The following ENTPD7 variants were observed in gnomAD, a reference collection of about 807,000 sequenced individuals.
ENTPD7 encodes the protein ectonucleoside triphosphate diphosphohydrolase 7.
ENTPD7 carries 53 observed loss-of-function variants against 77.9 expected under a neutral mutation model. The observed-to-expected ratio is 0.68, with a 90% confidence interval of 0.55 to 0.85. ENTPD7 has a LOEUF of 0.85. Among genes scored for constraint, ENTPD7 ranks in the 40% least tolerant of loss-of-function variants. The probability of loss-of-function intolerance (pLI) is 0.00; values close to 1 mark genes in which losing one functional copy is unlikely to be tolerated. For missense variants in ENTPD7, 636 were observed against 743.7 expected (o/e 0.86, Z 1.68); for synonymous variants, 248 against 274.9 (o/e 0.90, Z 0.97).
intron 9 of ENTPD7, among the ~76,000 whole-genome samples, chr10:99,696,956 C>G (rs961721650): frequency 4.6e-5 from 7 of 152,080 alleles, no homozygotes. Flanking sequence ...AGAGAAGGAC[C>G]ACAGATGAAA....
At chr10:99,685,716 T>C in intron 5 of ENTPD7, 76 bp from the exon 6 acceptor site, 2 of 1,034,856 alleles carry the variant, frequency 1.9e-6, no homozygotes, top group Non-Finnish European at 3.0e-6. Context: ...CAAGGCTAAG[T>C]AGAAGGACAA....
chr10:99,685,833 C>T lies in ENTPD7; in HGVS notation c.590C>T (p.Pro197Leu), dbSNP rs1355307487. Residue 197 changes from proline to leucine, a missense_variant, in exon 6 of 13, where the codon CCA (proline) becomes CTA (leucine). Physicochemically the swap from Pro to Leu is moderately conservative, Grantham distance 98. Around this residue, in one of 3 missense-constraint regions of ENTPD7, gnomAD observed 486 missense variants for 556.5 expected, o/e 0.87. Coordinates refer to ENST00000370489, the MANE Select transcript of ENTPD7 (RefSeq NM_020354.5). The stretch of plus-strand genomic sequence containing the variant: ...TTGGCTGACCTAGTGAAAGATTTAC[C>T]ACTGGAGTTTGACTTCCTCTTTTCA... ...AILADLVKDLPLEFDFLFSQS... is the reference protein window; with the variant it reads ...AILADLVKDLLLEFDFLFSQS... 28 of 1,613,612 alleles carry T rather than the reference C, an allele frequency of 1.7e-5. No homozygotes were observed. The highest frequency in any genetic ancestry group is 2.1e-5 in the Non-Finnish European group (25 of 1,179,868).
chr10:99,679,506 G>C (rs2133459736), intron 4 of ENTPD7, 40 bp downstream of exon 4: 1 of 1,556,910 alleles, frequency 6.4e-7, no homozygotes, highest in Non-Finnish European at 8.7e-7. Context: ...TCTCTTTTAA[G>C]GCATGAAAGA....
Position 99,706,108 on chromosome 10 carries a change from T to C in ENTPD7, c.*1425T>C, listed in dbSNP as rs1260115635. On this transcript the variant is annotated 3_prime_UTR_variant, in exon 13 of 13. Transcript: ENST00000370489. Reference sequence around the variant, plus strand: ...TTAGATTAATAGGGGAAAAAGTCCCTGGCTTTAAAGAAAACAAAAGTAGAA... The same window carrying C: ...TTAGATTAATAGGGGAAAAAGTCCCCGGCTTTAAAGAAAACAAAAGTAGAA... 1 of 152,188 alleles carries C rather than the reference T, an allele frequency of 6.6e-6. No individual in the cohort carries two copies. Among genetic ancestry groups the C allele is most frequent in the African/African-American group, 2.4e-5 (1 of 41,454 alleles). The allele number at this position is 152,188 out of a possible 1,614,324, so 9.4% of individuals were successfully genotyped here. A position where few individuals can be genotyped will look rare whatever the true frequency, so the allele number is the denominator to read the frequency against.
chr10:99,667,764 T>C (rs1308035106), intron 3 of ENTPD7, among the ~76,000 whole-genome samples: 2 of 152,180 alleles, frequency 1.3e-5, no homozygotes, highest in Non-Finnish European at 2.9e-5. Context: ...TAATCAGTTA[T>C]ATCTGGCATC....
intron 8 of ENTPD7, among the ~76,000 whole-genome samples, chr10:99,695,559 A>G (rs2035958021): frequency 6.6e-6 from 1 of 152,082 alleles, no homozygotes; most frequent in Non-Finnish European, 1.5e-5. Context: ...GCCACAGAAT[A>G]GATCTTATGA....
intron 12 of ENTPD7, among the ~76,000 whole-genome samples, chr10:99,703,478 A>T (rs969634696): frequency 2.0e-5 from 3 of 152,142 alleles, no homozygotes; most frequent in African/African-American, 7.2e-5. Flanking sequence ...AAAGTCAGAA[A>T]TCCATATTTT....
chr10:99,661,615 A>G lies in ENTPD7; in HGVS notation c.178A>G (p.Arg60Gly). 6.2e-7 allele frequency: 1 copy of G among 1,607,366 alleles called. No individual in the cohort carries two copies. Among genetic ancestry groups the G allele is most frequent in the Non-Finnish European group, 8.5e-7 (1 of 1,177,766 alleles). Reference protein sequence around the residue: ...RHWSASLPRDRQYERYLARVG... With the variant: ...RHWSASLPRDGQYERYLARVG... ...TTGGAGTGCTTCATTACCACGAGAT[A>G]GGCAATACGAAAGGTGAGTCAGCTT... is the stretch of plus-strand genomic sequence containing the variant. Residue 60 changes from arginine (R) to glycine (G), a missense_variant, in exon 3 of 13, where the codon AGG becomes GGG. Arg to Gly is a moderately radical substitution (Grantham distance 125). This residue lies in a region of ENTPD7 where 486 missense variants were observed against 556.5 expected (regional missense o/e 0.87). Transcript: ENST00000370489.
At position 99,708,980 on chromosome 10, in the gene ENTPD7, T is replaced by A. The variant is rs1159191209; in HGVS notation, c.*4297T>A. 2 of 985,344 alleles carry A rather than the reference T, an allele frequency of 2.0e-6. No homozygotes were observed. Among genetic ancestry groups the A allele is most frequent in the Non-Finnish European group, 2.4e-6 (2 of 829,942 alleles). The allele number at this position is 985,344 out of a possible 1,614,324, so 61.0% of individuals were successfully genotyped here. A position where few individuals can be genotyped will look rare whatever the true frequency, so the allele number is the denominator to read the frequency against. ...TCATTTATGACTGCTTTGCTCACAT[T>A]TAGGAATAAACTTTGAAAAAAATAC... On this transcript the variant is annotated 3_prime_UTR_variant, in exon 13 of 13. Coordinates refer to ENST00000370489, the MANE Select transcript of ENTPD7 (RefSeq NM_020354.5).
chr10:99,662,163 C>A (rs935699013), intron 3 of ENTPD7, among the ~76,000 whole-genome samples: 7 of 151,882 alleles, frequency 4.6e-5, no homozygotes, highest in African/African-American at 1.7e-4. Flanking sequence ...GGTGTTCGGG[C>A]CATTTATATT....
intron 5 of ENTPD7, among the ~76,000 whole-genome samples, chr10:99,683,300 G>T (rs2035775697): frequency 1.3e-5 from 2 of 152,092 alleles, no homozygotes; most frequent in South Asian, 4.1e-4. Context: ...TTTGTAAGCA[G>T]ATTCAAAATA....
At chr10:99,700,141 C>T (rs151162999) in intron 10 of ENTPD7, among the ~76,000 whole-genome samples, 1 of 152,240 alleles carries the variant, frequency 6.6e-6, no homozygotes, top group Non-Finnish European at 1.5e-5. Flanking sequence ...TGGCCTGACT[C>T]TTTCTCTTAT....
At chr10:99,701,114 A>G in intron 11 of ENTPD7, 56 bp downstream of exon 11, 1 of 1,343,600 alleles carries the variant, frequency 7.4e-7, no homozygotes, top group Non-Finnish European at 1.1e-6. Context: ...ATGGCAGATT[A>G]TAATGGAGAG....
At chr10:99,698,149 T>C (rs2036025434) in intron 9 of ENTPD7, among the ~76,000 whole-genome samples, 1 of 152,124 alleles carries the variant, frequency 6.6e-6, no homozygotes, top group African/African-American at 2.4e-5. Context: ...CCACAGTCCT[T>C]CCCACCTCAC....
Position 99,709,628 on chromosome 10 carries a change from T to C in ENTPD7, c.*4945T>C, listed in dbSNP as rs952746673. On this transcript the variant is annotated 3_prime_UTR_variant, in exon 13 of 13. Coordinates refer to ENST00000370489, the MANE Select transcript of ENTPD7 (RefSeq NM_020354.5). ...GTTGTGTTCTTGGCTCATTCTCTCA[T>C]AACCTGGATCTAAGTTGGAAAGCTG... 4.1e-6 allele frequency: 4 copies of C among 985,304 alleles called. No individual in the cohort carries two copies. Among genetic ancestry groups the C allele is most frequent in the Non-Finnish European group, 4.8e-6 (4 of 829,924 alleles). The allele number at this position is 985,304 out of a possible 1,614,324, so 61.0% of individuals were successfully genotyped here.
chr10:99,687,906 G>C (rs1417423376), intron 6 of ENTPD7, among the ~76,000 whole-genome samples: 2 of 152,132 alleles, frequency 1.3e-5, no homozygotes, highest in African/African-American at 4.8e-5. Flanking sequence ...AGCGGTAGGA[G>C]GACAGAGGGA....
intron 5 of ENTPD7, among the ~76,000 whole-genome samples, chr10:99,684,291 A>G (rs1313527518): frequency 1.3e-5 from 2 of 152,232 alleles, no homozygotes; most frequent in Non-Finnish European, 2.9e-5. Flanking sequence ...ACCTCAGGTT[A>G]TCCATGTGCC....
chr10:99,693,410 A>G (rs2035915598), intron 8 of ENTPD7, among the ~76,000 whole-genome samples: 1 of 152,238 alleles, frequency 6.6e-6, no homozygotes, highest in South Asian at 2.1e-4. Flanking sequence ...TGGGGGACTA[A>G]CTAGGTTGTG....
In ENTPD7 at chr10:99,696,079, C is replaced by T. The variant is rs770456537; in HGVS notation, c.967C>T (p.Arg323Cys). ...TTTCGGAGGCAACTTTGCCCGGCAG[C>T]GCTACGAAGACCTTGTTCTGAATGA... ...LGFGGNFARQRYEDLVLNETL... is the reference protein window; with the variant it reads ...LGFGGNFARQCYEDLVLNETL... Residue 323 changes from arginine to cysteine, a missense_variant, in exon 9 of 13, where the codon CGC becomes TGC. Transcript: ENST00000370489. The T allele has an allele frequency of 9.3e-6, 15 of 1,614,156 alleles. No homozygotes were observed. The East Asian group carries it at 1.3e-4, about 14-fold the overall frequency.
Sources: gnomAD v4.1 joint callset for allele counts (sites outside exome capture counted in the v4.1 genomes callset) on GRCh38, gnomAD v4.1.1 for gene constraint, gnomAD v4.1.1 regional missense constraint, MANE v1.5 for transcripts, NCBI Gene and HGNC (gene_info 2026-07-23, HGNC 2026-07-21) for gene names.